CAMTA1: variants seen among roughly 807,000 people sequenced by gnomAD.
CAMTA1 encodes the protein calmodulin-binding transcription activator 1.
CAMTA1 carries 27 observed loss-of-function variants against 170.9 expected under a neutral mutation model. The ratio of observed to expected loss-of-function variants is 0.16; its 90% CI spans 0.12 to 0.22. The LOEUF (loss-of-function observed/expected upper bound fraction) is 0.22, where lower values mean the gene tolerates loss of function less well. Ranked by LOEUF, CAMTA1 falls within the 10% of genes least tolerant of loss-of-function variation. The pLI, the probability that CAMTA1 is intolerant of heterozygous loss-of-function variation, is 1.00. For synonymous variants in CAMTA1, 833 were observed against 891.5 expected, an observed-to-expected ratio of 0.93 and a Z score of 1.17; for missense variants, 1,619 against 2,217.2, an observed-to-expected ratio of 0.73 and a Z score of 5.42.
intron 5 of CAMTA1, among the ~76,000 whole-genome samples, chr1:7,428,028 G>C (rs550239836): frequency 1.3e-5 from 2 of 152,324 alleles, no homozygotes; most frequent in South Asian, 4.1e-4. Context: ...GCAGGAAGCA[G>C]GCAGCACTGG....
intron 4 of CAMTA1, among the ~76,000 whole-genome samples, chr1:7,103,480 T>C (rs1439369406): frequency 5.1e-5 from 6 of 118,064 alleles, no homozygotes; most frequent in South Asian, 2.7e-4. Flanking sequence ...CAACACACAC[T>C]ACACACGTAC....
chr1:6,905,383 A>G (rs1678202725), intron 3 of CAMTA1, among the ~76,000 whole-genome samples: 1 of 136,544 alleles, frequency 7.3e-6, no homozygotes, highest in African/African-American at 2.5e-5. Flanking sequence ...TAGTAGAGAC[A>G]GGGTTTCACC....
At chr1:7,652,602 T>C (rs115054913) in intron 7 of CAMTA1, among the ~76,000 whole-genome samples, 279 of 152,262 alleles carry the variant, frequency 1.8e-3, no homozygotes, top group African/African-American at 6.4e-3. Flanking sequence ...CAGCTTGGGA[T>C]GACAGCATGT....
At chr1:7,071,389 G>A (rs1053574934) in intron 3 of CAMTA1, among the ~76,000 whole-genome samples, 1 of 152,182 alleles carries the variant, frequency 6.6e-6, no homozygotes, top group South Asian at 2.1e-4. Context: ...TAAATCATTA[G>A]GGGAATTAAT....
At position 7,007,449 on chromosome 1, in the gene CAMTA1, C is replaced by T. The variant is rs1699165506; in HGVS notation, c.235-83855C>T. Among the ~76,000 whole-genome samples the T allele has an allele frequency of 6.6e-6, 1 of 152,208 alleles. No homozygotes were observed. The highest frequency in any genetic ancestry group is 2.4e-5 in the African/African-American group (1 of 41,466). On this transcript the variant is annotated intron_variant, in intron 3 of 22. Coordinates refer to ENST00000303635, the MANE Select transcript of CAMTA1 (RefSeq NM_015215.4). The surrounding 1 kb of genome is among the most constrained non-coding windows in gnomAD (Gnocchi z 4.5). Reference sequence around the variant, plus strand: ...TTGTGGGGCAACAGAATGTCACACCCAGGTCCTTCCCTCGCCTCGAGAACC... The same window carrying T: ...TTGTGGGGCAACAGAATGTCACACCTAGGTCCTTCCCTCGCCTCGAGAACC...
chr1:6,805,183 C>T (rs886066886), intron 1 of CAMTA1, among the ~76,000 whole-genome samples: 1 of 152,204 alleles, frequency 6.6e-6, no homozygotes, highest in Admixed American at 6.5e-5. Flanking sequence ...TTCTTGCAAA[C>T]ACTTGTTATT....
chr1:7,545,217 G>T (rs888151795), intron 6 of CAMTA1, among the ~76,000 whole-genome samples: 2 of 152,132 alleles, frequency 1.3e-5, no homozygotes, highest in Admixed American at 6.5e-5. Context: ...ATACTAAAAA[G>T]TTGGGAGTAC....
At chr1:6,856,266 A>G (rs1173324108) in intron 3 of CAMTA1, among the ~76,000 whole-genome samples, 1 of 149,286 alleles carries the variant, frequency 6.7e-6, no homozygotes, top group African/African-American at 2.5e-5. Flanking sequence ...GATGGCCAAG[A>G]TGGAACCAGT....
intron 4 of CAMTA1, chr1:7,219,436 A>G (rs1225922349): frequency 6.7e-6 from 1 of 150,240 alleles, no homozygotes; most frequent in Non-Finnish European, 1.5e-5. Context: ...ATTGTGCGCC[A>G]GATGTGTTGA....
chr1:6,815,986 T>C (rs553494918), intron 1 of CAMTA1, among the ~76,000 whole-genome samples: 1 of 152,174 alleles, frequency 6.6e-6, no homozygotes. Context: ...ATTTCAGTGG[T>C]TCTCAACCTT....
At position 7,647,747 on chromosome 1, in the gene CAMTA1, G is replaced by A. The variant is rs373518907; in HGVS notation, c.664+7194G>A. 9.9e-5 allele frequency among the ~76,000 whole-genome samples: 15 copies of A among 152,192 alleles called. 1 individual carries two copies. The highest frequency in any genetic ancestry group is 2.6e-4 in the Admixed American group (4 of 15,288). ...GAGCTCCGAGCCTGACTAGGAACAG[G>A]TATCCCTAAGGCTCAGCCAGAGCCC... is the stretch of plus-strand genomic sequence containing the variant. On this transcript the variant is annotated intron_variant, in intron 7 of 22. Transcript: ENST00000303635.
intron 11 of CAMTA1, among the ~76,000 whole-genome samples, chr1:7,707,305 A>C (rs1456365337): frequency 6.6e-6 from 1 of 152,216 alleles, no homozygotes; most frequent in Non-Finnish European, 1.5e-5. Flanking sequence ...AGTGGAACTG[A>C]GTATTATTTA....
intron 1 of CAMTA1, among the ~76,000 whole-genome samples, chr1:6,794,942 A>G (rs1642124078): frequency 6.7e-6 from 1 of 148,410 alleles, no homozygotes; most frequent in South Asian, 2.1e-4. Flanking sequence ...ATAAAAATTC[A>G]GGAGCTTTCT....
At chr1:7,542,811 T>C (rs1342512516) in intron 6 of CAMTA1, among the ~76,000 whole-genome samples, 1 of 150,456 alleles carries the variant, frequency 6.6e-6, no homozygotes, top group African/African-American at 2.4e-5. Context: ...ATTACAGGTG[T>C]AAGCCACCAC....
chr1:7,108,446 G>A (rs778967146), intron 4 of CAMTA1, among the ~76,000 whole-genome samples: 7 of 152,140 alleles, frequency 4.6e-5, no homozygotes, highest in Non-Finnish European at 1.0e-4. Flanking sequence ...GGCTCTGTAC[G>A]CACACAGCCC....
At position 7,663,503 on chromosome 1, in the gene CAMTA1, A is replaced by G; in HGVS notation, c.956A>G (p.Lys319Arg). The G allele has an allele frequency of 6.2e-7, 1 of 1,600,640 alleles. No homozygotes were observed. Among genetic ancestry groups the G allele is most frequent in the Non-Finnish European group, 8.5e-7 (1 of 1,169,716 alleles). ...SEGKHEHSHS[K>R]GSSREKRNGK... Reference sequence around the variant, plus strand: ...GGCAAGCACGAGCACAGCCACAGCAAGGGCTCCAGCCGTGAGAAGAGGAAC... The same window carrying G: ...GGCAAGCACGAGCACAGCCACAGCAGGGGCTCCAGCCGTGAGAAGAGGAAC... The change falls in exon 9 of 23, where the codon AAG becomes AGG. Residue 319 changes from lysine (K) to arginine (R), a missense_variant. Around this residue, in one of 8 missense-constraint regions of CAMTA1, gnomAD observed 731 missense variants for 907.6 expected, o/e 0.81. Coordinates refer to ENST00000303635, the MANE Select transcript of CAMTA1 (RefSeq NM_015215.4).
At chr1:6,961,079 A>G (rs1230686656) in intron 3 of CAMTA1, among the ~76,000 whole-genome samples, 2 of 152,164 alleles carry the variant, frequency 1.3e-5, no homozygotes, top group African/African-American at 4.8e-5. Flanking sequence ...GATTGTATAT[A>G]GTGATTCTTA....
chr1:6,899,132 T>G (rs1676307351), intron 3 of CAMTA1, among the ~76,000 whole-genome samples: 1 of 152,198 alleles, frequency 6.6e-6, no homozygotes, highest in Admixed American at 6.5e-5. Flanking sequence ...CCAGTCTGTT[T>G]CCCCATCTTT....
chr1:6,928,649 T>C (rs1189276513), intron 3 of CAMTA1, among the ~76,000 whole-genome samples: 2 of 152,234 alleles, frequency 1.3e-5, no homozygotes, highest in African/African-American at 2.4e-5. Flanking sequence ...TCTGTCAATT[T>C]GAAGATCTCC....
Sources: gnomAD v4.1 joint callset for allele counts (sites outside exome capture counted in the v4.1 genomes callset) on GRCh38, gnomAD v4.1.1 for gene constraint, gnomAD v4.1.1 regional missense constraint, Gnocchi (gnomAD v3.1) non-coding constraint, MANE v1.5 for transcripts, NCBI Gene and HGNC (gene_info 2026-07-23, HGNC 2026-07-21) for gene names.